Variants in NRG3 observed in about 807,000 individuals in gnomAD.
The protein encoded by NRG3 is neuregulin 3.
Under a neutral mutation model 66.9 loss-of-function variants are expected in NRG3, and 31 were observed. That is an observed-to-expected ratio of 0.46 (90% CI 0.35 to 0.63). The LOEUF is 0.63. NRG3 is among the 20% of genes least tolerant of loss of function. NRG3 has a pLI of 0.00. For synonymous variants in NRG3, 393 were observed against 359.4 expected (o/e 1.09, Z -1.06); for missense variants, 910 against 878.9 (o/e 1.04, Z -0.45).
At chr10:82,845,350 T>G (rs1416314616) in intron 3 of NRG3, among the ~76,000 whole-genome samples, 1 of 152,196 alleles carries the variant, frequency 6.6e-6, no homozygotes, top group Non-Finnish European at 1.5e-5. Context: ...TCATAACCAC[T>G]GATGTTATCC....
At position 82,985,106 on chromosome 10, in the gene NRG3, C is replaced by T. The variant is rs150723859; in HGVS notation, c.1592C>T (p.Ser531Phe). The part of the protein sequence containing the change: ...QDTIPCQGYS[S>F]SGLKTQRNTS... ...CTGTGTTTCTTTTTCAGGTATTCAT[C>T]CAGTGGTTTAAAAACCCAACGAAAT... The change falls in exon 9 of 9, where the codon TCC becomes TTC. Residue 531 changes from serine (S) to phenylalanine (F), a missense_variant. By Grantham distance (155) the Ser-to-Phe change is radical. Transcript: ENST00000372141. 2 of 1,613,164 alleles carry T rather than the reference C, an allele frequency of 1.2e-6. No homozygotes were observed. Among genetic ancestry groups the T allele is most frequent in the African/African-American group, 2.7e-5 (2 of 74,800 alleles).
At chr10:82,422,359 A>T (rs2136244578) in intron 2 of NRG3, among the ~76,000 whole-genome samples, 1 of 152,200 alleles carries the variant, frequency 6.6e-6, no homozygotes, top group Middle Eastern at 3.4e-3. Flanking sequence ...TAATGTATTA[A>T]TATGCACAAT....
chr10:82,128,881 G>A (rs1449240278), intron 1 of NRG3, among the ~76,000 whole-genome samples: 2 of 151,938 alleles, frequency 1.3e-5, no homozygotes, highest in Non-Finnish European at 1.5e-5. Flanking sequence ...AGCACACTGT[G>A]TGTATGCTGT....
At chr10:82,019,853 G>C (rs10884044) in intron 1 of NRG3, among the ~76,000 whole-genome samples, 26,284 of 151,748 alleles carry the variant, frequency 0.17, 2,465 homozygotes, top group Middle Eastern at 0.22. Flanking sequence ...TCTTGCTAGC[G>C]GTCTATCAAT....
intron 1 of NRG3, among the ~76,000 whole-genome samples, chr10:82,100,005 T>A (rs1378277678): frequency 7.4e-6 from 1 of 135,222 alleles, no homozygotes; most frequent in African/African-American, 2.7e-5. Flanking sequence ...ATATATAATT[T>A]AAAAAAACAA....
At chr10:82,000,084 T>C (rs2061102742) in intron 1 of NRG3, among the ~76,000 whole-genome samples, 1 of 152,238 alleles carries the variant, frequency 6.6e-6, no homozygotes, top group South Asian at 2.1e-4. Context: ...AAAATGTAGA[T>C]ATATTTTAGT....
intron 2 of NRG3, among the ~76,000 whole-genome samples, chr10:82,379,183 G>C (rs1184519093): frequency 5.3e-5 from 8 of 152,070 alleles, no homozygotes; most frequent in South Asian, 4.1e-4. Flanking sequence ...GGGGTTAACT[G>C]TGGCTTCCTG....
chr10:82,786,902 G>A (rs1434651427), intron 3 of NRG3, among the ~76,000 whole-genome samples: 1 of 152,054 alleles, frequency 6.6e-6, no homozygotes, highest in African/African-American at 2.4e-5. Context: ...TGTTTGTGCT[G>A]TCTTGCCCTT....
chr10:82,472,713 C>T (rs559119337), intron 2 of NRG3, among the ~76,000 whole-genome samples: 1 of 152,200 alleles, frequency 6.6e-6, no homozygotes, highest in South Asian at 2.1e-4. Flanking sequence ...TTCTTCTCTT[C>T]CATTATCTCA....
chr10:82,604,247 A>G (rs560578340), intron 2 of NRG3, among the ~76,000 whole-genome samples: 10 of 152,158 alleles, frequency 6.6e-5, no homozygotes, highest in Non-Finnish European at 1.5e-4. Context: ...TTTACTATCT[A>G]CATAGTTTTG....
intron 1 of NRG3, among the ~76,000 whole-genome samples, chr10:81,999,360 T>C (rs1049306452): frequency 6.6e-6 from 1 of 152,164 alleles, no homozygotes; most frequent in Non-Finnish European, 1.5e-5. Context: ...AAGAAGTACG[T>C]TGGTGTTTTC....
At chr10:82,173,243 A>C (rs969512729) in intron 1 of NRG3, among the ~76,000 whole-genome samples, 2 of 152,072 alleles carry the variant, frequency 1.3e-5, no homozygotes, top group African/African-American at 4.8e-5. Flanking sequence ...TTAAAGGTAA[A>C]AAGGCCAATG....
chr10:82,714,257 C>G (rs1479707908), intron 2 of NRG3, among the ~76,000 whole-genome samples: 1 of 151,998 alleles, frequency 6.6e-6, no homozygotes, highest in Non-Finnish European at 1.5e-5. Context: ...TATCCACTCT[C>G]TTAGGATTTA....
At chr10:82,664,282 T>G (rs527993207) in intron 2 of NRG3, among the ~76,000 whole-genome samples, 1 of 152,210 alleles carries the variant, frequency 6.6e-6, no homozygotes, top group African/African-American at 2.4e-5. Flanking sequence ...CTCTCCTCCA[T>G]GAGTTTCATC....
chr10:82,845,857 A>G (rs913957505), intron 3 of NRG3, among the ~76,000 whole-genome samples: 1 of 152,214 alleles, frequency 6.6e-6, no homozygotes, highest in Non-Finnish European at 1.5e-5. Context: ...TAAAGCTACC[A>G]TAAATACATA....
chr10:82,570,015 C>A (rs2045635873), intron 2 of NRG3, among the ~76,000 whole-genome samples: 1 of 151,602 alleles, frequency 6.6e-6, no homozygotes, highest in Non-Finnish European at 1.5e-5. Context: ...TCTCTTTCTT[C>A]ATCCACAATG....
At chr10:82,055,571 G>A (rs566867283) in intron 1 of NRG3, among the ~76,000 whole-genome samples, 6 of 152,138 alleles carry the variant, frequency 3.9e-5, no homozygotes, top group Non-Finnish European at 5.9e-5. Flanking sequence ...ATGGAAAAAG[G>A]CAAATTGGTG....
chr10:82,373,552 G>C (rs993331586), intron 2 of NRG3, among the ~76,000 whole-genome samples: 1 of 152,192 alleles, frequency 6.6e-6, no homozygotes, highest in Admixed American at 6.5e-5. Flanking sequence ...TCAGGCTAGT[G>C]TATCAGTGGG....
At chr10:82,618,036 T>G (rs80262861) in intron 2 of NRG3, among the ~76,000 whole-genome samples, 1 of 152,296 alleles carries the variant, frequency 6.6e-6, no homozygotes, top group Non-Finnish European at 1.5e-5. Context: ...CTGTTGGGAC[T>G]TCTGTGGGTC....
Sources: allele counts gnomAD v4.1 joint callset (sites outside exome capture counted in the v4.1 genomes callset), GRCh38; gene constraint gnomAD v4.1.1; transcripts MANE v1.5; gene names NCBI Gene and HGNC (gene_info 2026-07-23, HGNC 2026-07-21).